Variants in MGMT observed in about 807,000 individuals in gnomAD.
MGMT encodes O-6-methylguanine-DNA methyltransferase, also known as methylated-DNA--protein-cysteine methyltransferase.
In MGMT, 14 loss-of-function variants were observed where a neutral mutation model predicts 15.9. The ratio of observed to expected loss-of-function variants is 0.88; its 90% CI spans 0.58 to 1.37. The LOEUF (loss-of-function observed/expected upper bound fraction) is 1.37. MGMT is among the 40% of genes most tolerant of loss of function. The probability of loss-of-function intolerance (pLI) is 0.00; values close to 1 mark genes in which losing one functional copy is unlikely to be tolerated. For missense variants in MGMT, 282 were observed against 268.1 expected (o/e 1.05, Z -0.36); for synonymous variants, 130 against 118.2 (o/e 1.10, Z -0.65).
At chr10:129,717,686 CCA>C (rs1848315708) in intron 3 of MGMT, 1 of 152,126 alleles carries the variant, frequency 6.6e-6, no homozygotes, top group African/African-American at 2.4e-5. Context: ...CATCTTAGAC[CCA>C]CACATGGCTG....
intron 2 of MGMT, among the ~76,000 whole-genome samples, chr10:129,684,949 G>A (rs1039911407): frequency 5.9e-5 from 9 of 152,314 alleles, no homozygotes; most frequent in Non-Finnish European, 1.2e-4. Flanking sequence ...CTTTCTAAGC[G>A]ATTTGCATCT....
chr10:129,640,383 A>G (rs1047231770), intron 2 of MGMT, among the ~76,000 whole-genome samples: 5 of 152,222 alleles, frequency 3.3e-5, no homozygotes, highest in African/African-American at 1.2e-4. Flanking sequence ...GGCGTGAGCC[A>G]CTGTGCCCAG....
chr10:129,605,227 T>C (rs1846874880), intron 2 of MGMT, among the ~76,000 whole-genome samples: 1 of 152,230 alleles, frequency 6.6e-6, no homozygotes, highest in Non-Finnish European at 1.5e-5. Flanking sequence ...GCACATTTGA[T>C]TATTTTATTT....
chr10:129,516,968 A>G (rs1370828943), intron 1 of MGMT, among the ~76,000 whole-genome samples: 1 of 152,204 alleles, frequency 6.6e-6, no homozygotes, highest in African/African-American at 2.4e-5. Context: ...GGGGTTAGCA[A>G]TGTCGACAGT....
chr10:129,597,176 C>T (rs944473846), intron 2 of MGMT, among the ~76,000 whole-genome samples: 1 of 152,098 alleles, frequency 6.6e-6, no homozygotes, highest in African/African-American at 2.4e-5. Context: ...AGTTCACGTC[C>T]CAGGGTATCT....
At chr10:129,751,865 G>A (rs1848753766) in intron 3 of MGMT, among the ~76,000 whole-genome samples, 1 of 151,950 alleles carries the variant, frequency 6.6e-6, no homozygotes, top group South Asian at 2.1e-4. Flanking sequence ...TATGATCAGA[G>A]GATGTAACTT....
chr10:129,575,278 T>C (rs1166142076), intron 2 of MGMT, among the ~76,000 whole-genome samples: 1 of 152,158 alleles, frequency 6.6e-6, no homozygotes, highest in East Asian at 1.9e-4. Context: ...GACCACATAG[T>C]TGGAAGTAAA....
chr10:129,534,527 G>A (rs149985297), intron 1 of MGMT, among the ~76,000 whole-genome samples: 7 of 151,898 alleles, frequency 4.6e-5, no homozygotes, highest in Admixed American at 2.0e-4. Flanking sequence ...TGTAGTTTGC[G>A]GTCCGCTGCC....
chr10:129,674,867 G>A (rs886126861), intron 2 of MGMT, among the ~76,000 whole-genome samples: 11 of 152,210 alleles, frequency 7.2e-5, no homozygotes, highest in South Asian at 4.1e-4. Flanking sequence ...CTCCCTGACC[G>A]CCTGGAGTCC....
At chr10:129,696,095 GGAC>G (rs2133131675) in intron 2 of MGMT, among the ~76,000 whole-genome samples, 1 of 152,180 alleles carries the variant, frequency 6.6e-6, no homozygotes, top group South Asian at 2.1e-4. Flanking sequence ...TTCCTCACTG[GGAC>G]CTCTTCACTC....
chr10:129,514,243 A>G (rs1845714195), intron 1 of MGMT, among the ~76,000 whole-genome samples: 1 of 152,238 alleles, frequency 6.6e-6, no homozygotes, highest in Non-Finnish European at 1.5e-5. Flanking sequence ...AGAGAGATAC[A>G]ATTATATCAA....
At chr10:129,678,270 C>CT (rs993086947) in intron 2 of MGMT, among the ~76,000 whole-genome samples, 1 of 149,848 alleles carries the variant, frequency 6.7e-6, no homozygotes, top group Non-Finnish European at 1.5e-5. Context: ...TGGTGGCTGC[C>CT]TTTGTTTCTG....
At chr10:129,738,812 G>T (rs139455215) in intron 3 of MGMT, among the ~76,000 whole-genome samples, 2,194 of 152,274 alleles carry the variant, frequency 0.014, 53 homozygotes, top group African/African-American at 0.05. Context: ...TATGAGGCCA[G>T]CATCATCCTA....
At chr10:129,587,053 T>A (rs1321899607) in intron 2 of MGMT, among the ~76,000 whole-genome samples, 1 of 152,230 alleles carries the variant, frequency 6.6e-6, no homozygotes, top group East Asian at 1.9e-4. Context: ...AAAGATCTTG[T>A]TCCACTGTCT....
intron 2 of MGMT, among the ~76,000 whole-genome samples, chr10:129,695,731 TAATA>T (rs1848023416): frequency 6.6e-6 from 1 of 152,222 alleles, no homozygotes; most frequent in South Asian, 2.1e-4. Context: ...GCCTGTTCTT[TAATA>T]GAGACGACAA....
chr10:129,660,654 G>A (rs1281765350), intron 2 of MGMT, among the ~76,000 whole-genome samples: 1 of 152,114 alleles, frequency 6.6e-6, no homozygotes, highest in African/African-American at 2.4e-5. Context: ...CCTCTGCTGT[G>A]GGTTTCCATA....
intron 1 of MGMT, among the ~76,000 whole-genome samples, chr10:129,491,855 C>G (rs1589833890): frequency 6.6e-6 from 1 of 151,808 alleles, no homozygotes; most frequent in Non-Finnish European, 1.5e-5. Context: ...CTGTCTTTTC[C>G]TCTTATTATT....
intron 1 of MGMT, among the ~76,000 whole-genome samples, chr10:129,514,653 TG>T (rs140904623): frequency 0.15 from 23,513 of 151,976 alleles, 2,543 homozygotes; most frequent in African/African-American, 0.3. Context: ...TTGGGGCCTT[TG>T]GGGGGAGATT....
At position 129,769,663 on chromosome 10, in the gene MGMT, C is replaced by T. The variant is rs1263981811; in HGVS notation, c.*2666C>T. On this transcript the variant is annotated 3_prime_UTR_variant, in exon 5 of 5. Transcript: ENST00000651593. ...TGTGGCAAAATAAGTTGCCTTTGGC[C>T]ACGCAGGAGACTGAGTTTTGTGAGG... Among the ~76,000 whole-genome samples, 1 of 152,156 alleles carries T rather than the reference C, an allele frequency of 6.6e-6. No individual in the cohort carries two copies. Among genetic ancestry groups the T allele is most frequent in the Non-Finnish European group, 1.5e-5 (1 of 68,042 alleles).
Sources: gnomAD v4.1 joint callset for allele counts (sites outside exome capture counted in the v4.1 genomes callset) on GRCh38, gnomAD v4.1.1 for gene constraint, MANE v1.5 for transcripts, NCBI Gene and HGNC (gene_info 2026-07-23, HGNC 2026-07-21) for gene names.